The following ZBTB4 variants were observed in gnomAD, a reference collection of about 807,000 sequenced individuals.
ZBTB4 encodes the protein zinc finger and BTB domain containing 4.
ZBTB4 carries 14 observed loss-of-function variants against 59.8 expected under a neutral mutation model. That is an observed-to-expected ratio of 0.23 (90% CI 0.15 to 0.37). The LOEUF is 0.37. ZBTB4 is among the 10% of genes least tolerant of loss of function. ZBTB4 has a pLI of 1.00. For missense variants in ZBTB4, 1,198 were observed against 1,380.8 expected (o/e 0.87, Z 2.10); for synonymous variants, 587 against 575.2 (o/e 1.02, Z -0.29).
At chr17:7,473,944 GCT>G (rs2070234274) in intron 1 of ZBTB4, among the ~76,000 whole-genome samples, 1 of 152,072 alleles carries the variant, frequency 6.6e-6, no homozygotes, top group Non-Finnish European at 1.5e-5. Flanking sequence ...ATGGCATCTT[GCT>G]CTGTTGCCCA....
Position 7,463,724 on chromosome 17 carries a change from T to C in ZBTB4, c.1258A>G (p.Met420Val). The C allele has an allele frequency of 6.2e-7, 1 of 1,613,962 alleles. No individual in the cohort carries two copies. The highest frequency in any genetic ancestry group is 8.5e-7 in the Non-Finnish European group (1 of 1,179,994). Residue 420 changes from methionine (M) to valine (V), a missense_variant, in exon 4 of 4, where the codon ATG (methionine) becomes GTG (valine). Physicochemically the swap from Met to Val is conservative, Grantham distance 21 (BLOSUM62 1). Around this residue, in one of 9 missense-constraint regions of ZBTB4, gnomAD observed 60 missense variants for 93.0 expected, o/e 0.64. Transcript: ENST00000380599. Reference protein sequence around the residue: ...NTLKLYRLLPMRAAKRPYKTY... With the variant: ...NTLKLYRLLPVRAAKRPYKTY... ...TTGTAGGGCCGCTTGGCTGCCCGCA[T>C]GGGGAGCAGGCGGTAGAGCTTGAGT...
In ZBTB4 at chr17:7,462,536, CCTT is replaced by C. The variant is rs2070038560; in HGVS notation, c.2443_2445del (p.Lys815del). The C allele has an allele frequency of 1.9e-6, 3 of 1,613,874 alleles. No individual in the cohort carries two copies. Among genetic ancestry groups the C allele is most frequent in the Non-Finnish European group, 2.5e-6 (3 of 1,180,016 alleles). ...ACTTGCATCTCTTGGGGGGCTTCCT[CCTT>C]GACATCCCCGGGCCTGGTGCCAGCG... On this transcript the variant is annotated inframe_deletion, in exon 4 of 4. Transcript: ENST00000380599. The surrounding 1 kb of genome is among the most constrained non-coding windows in gnomAD (Gnocchi z 7.5).
Position 7,462,801 on chromosome 17 carries a change from T to A in ZBTB4, c.2181A>T (p.Arg727=). The A allele has an allele frequency of 6.2e-7, 1 of 1,602,620 alleles. No individual in the cohort carries two copies. The highest frequency in any genetic ancestry group is 8.5e-7 in the Non-Finnish European group (1 of 1,179,826). The change falls in exon 4 of 4, where the codon CGA becomes CGT. Residue 727 remains arginine (R), a synonymous_variant. Coordinates refer to ENST00000380599, the MANE Select transcript of ZBTB4 (RefSeq NM_001128833.2). This position sits in a 1 kb window ranked among gnomAD's most constrained non-coding sequence, Gnocchi z 7.5. ...AGRARTERRH[R]CGDCAQTFTT... is the part of the protein sequence containing the mutation. ...TGAAGGTCTGGGCACAGTCCCCGCA[T>A]CGGTGCCTCCGCTCTGTGCGGGCAC... is the stretch of plus-strand genomic sequence containing the variant.
upstream of ZBTB4, chr17:7,482,870 C>A (rs773999539): frequency 5.0e-6 from 8 of 1,611,900 alleles, no homozygotes; most frequent in Non-Finnish European, 6.8e-6. Context: ...GGCCCTTATA[C>A]TGCAGTATTA....
chr17:7,460,258 C>T lies in ZBTB4; in HGVS notation c.*1682G>A, dbSNP rs961588873. On this transcript the variant is annotated 3_prime_UTR_variant, in exon 4 of 4. Coordinates refer to ENST00000380599, the MANE Select transcript of ZBTB4 (RefSeq NM_001128833.2). The stretch of plus-strand genomic sequence containing the variant: ...AGACAGAGGAGGAATGAAGGAGTGA[C>T]TCCTCTGTGGTTAACATTCAGGGAG... 9.2e-5 allele frequency: 14 copies of T among 152,588 alleles called. No homozygotes were observed. Among genetic ancestry groups the T allele is most frequent in the African/African-American group, 3.4e-4 (14 of 41,424 alleles). 9.5% of individuals were successfully genotyped at this position (152,588 alleles called of 1,614,324 possible).
In ZBTB4 at chr17:7,462,045, A is replaced by G. The variant is rs1299044377; in HGVS notation, c.2937T>C (p.Pro979=). The G allele has an allele frequency of 6.2e-7, 1 of 1,601,288 alleles. No homozygotes were observed. The highest frequency in any genetic ancestry group is 1.3e-5 in the African/African-American group (1 of 74,802). ...GYAVNPQAAP[P]APPTPPPPTL... ...TTGGGGGAGGTGGTGTTGGTGGGGC[A>G]GGGGGTGCTGCTTGAGGATTCACTG... The change falls in exon 4 of 4, where the codon CCT becomes CCC. Residue 979 remains proline, a synonymous_variant. Transcript: ENST00000380599. The surrounding 1 kb of genome is among the most constrained non-coding windows in gnomAD (Gnocchi z 7.5).
chr17:7,465,202 T>G (rs2070100760), intron 3 of ZBTB4, among the ~76,000 whole-genome samples: 1 of 147,964 alleles, frequency 6.8e-6, no homozygotes, highest in South Asian at 2.1e-4. Context: ...CTCACGCCTG[T>G]AATCCCAGCA....
intron 3 of ZBTB4, among the ~76,000 whole-genome samples, chr17:7,464,831 C>T (rs1367770382): frequency 2.1e-5 from 3 of 141,338 alleles, no homozygotes; most frequent in Admixed American, 7.3e-5. Flanking sequence ...GAGCGAGACT[C>T]GGTCTTAAAA....
At position 7,463,085 on chromosome 17, in the gene ZBTB4, T is replaced by G; in HGVS notation, c.1897A>C (p.Met633Leu). Reference protein sequence around the residue: ...LRPGELSGEEMEESEEDEEEE... With the variant: ...LRPGELSGEELEESEEDEEEE... ...TCTTCGTCCTCCTCACTCTCCTCCATCTCCTCTCCGCTCAGCTCCCCAGGA... is the reference window on the plus strand; with the variant it reads ...TCTTCGTCCTCCTCACTCTCCTCCAGCTCCTCTCCGCTCAGCTCCCCAGGA... The change falls in exon 4 of 4, where the codon ATG (methionine) becomes CTG (leucine). Residue 633 changes from methionine to leucine, a missense_variant. This residue lies in a region of ZBTB4 where 550 missense variants were observed against 541.8 expected (regional missense o/e 1.02). Coordinates refer to ENST00000380599, the MANE Select transcript of ZBTB4 (RefSeq NM_001128833.2). The G allele has an allele frequency of 6.2e-7, 1 of 1,610,794 alleles. No individual in the cohort carries two copies. Among genetic ancestry groups the G allele is most frequent in the Non-Finnish European group, 8.5e-7 (1 of 1,179,382 alleles).
intron 1 of ZBTB4, among the ~76,000 whole-genome samples, chr17:7,476,041 G>C (rs979162661): frequency 9.2e-5 from 14 of 152,146 alleles, no homozygotes; most frequent in Non-Finnish European, 1.3e-4. Flanking sequence ...AATCGCCGCC[G>C]AGCTTGGGAA....
intron 3 of ZBTB4, among the ~76,000 whole-genome samples, chr17:7,464,436 A>G (rs2070082722): frequency 6.6e-6 from 1 of 151,144 alleles, no homozygotes. Context: ...AAAAAGAAAA[A>G]AAAAAAAAAA....
chr17:7,481,500 AG>A (rs2070344770), upstream of ZBTB4: 1 of 1,555,056 alleles, frequency 6.4e-7, no homozygotes, highest in Non-Finnish European at 8.7e-7. Flanking sequence ...GGAGGAGAGG[AG>A]AAAGTCCAAG....
At chr17:7,481,251 A>C (rs1411664630), upstream of ZBTB4, 2 of 319,536 alleles carry the variant, frequency 6.3e-6, no homozygotes, top group Non-Finnish European at 1.1e-5. Context: ...AATCGCTTGA[A>C]TCTGGGAGGT....
chr17:7,479,892 G>A (rs145667810), upstream of ZBTB4, among the ~76,000 whole-genome samples: 14 of 151,766 alleles, frequency 9.2e-5, no homozygotes, highest in East Asian at 2.7e-3. Context: ...CCGACCCCCA[G>A]GGAAAGGGCT....
chr17:7,478,737 C>T (rs1283208830), intron 1 of ZBTB4, among the ~76,000 whole-genome samples: 1 of 152,228 alleles, frequency 6.6e-6, no homozygotes, highest in Non-Finnish European at 1.5e-5. Context: ...GCTCAGAATA[C>T]CCATCTGTCA....
chr17:7,481,075 C>T (rs999468823), upstream of ZBTB4, among the ~76,000 whole-genome samples: 5 of 151,114 alleles, frequency 3.3e-5, no homozygotes, highest in Admixed American at 2.0e-4. Context: ...AGGAGAATTG[C>T]TTGAACCCAG....
upstream of ZBTB4, chr17:7,482,576 G>C (rs185618416): frequency 6.2e-7 from 1 of 1,612,338 alleles, no homozygotes; most frequent in Non-Finnish European, 8.5e-7. Context: ...GCAGGCTTTC[G>C]TGGGAGGACT....
At chr17:7,472,863 C>T (rs1025557228) in intron 1 of ZBTB4, among the ~76,000 whole-genome samples, 1 of 151,460 alleles carries the variant, frequency 6.6e-6, no homozygotes, top group South Asian at 2.1e-4. Flanking sequence ...AGGCTGGTCT[C>T]GAACTCCTGG....
At chr17:7,483,320 G>C (rs2070371736), upstream of ZBTB4, 6 of 467,458 alleles carry the variant, frequency 1.3e-5, no homozygotes, top group South Asian at 1.3e-4. Flanking sequence ...GCAGCAAAGA[G>C]AAGAGCATTG....
Sources: allele counts gnomAD v4.1 joint callset (sites outside exome capture counted in the v4.1 genomes callset), GRCh38; gene constraint gnomAD v4.1.1; regional missense constraint gnomAD v4.1.1; non-coding constraint Gnocchi (gnomAD v3.1); transcripts MANE v1.5; gene names NCBI Gene and HGNC (gene_info 2026-07-23, HGNC 2026-07-21).